The following PLXNA4 variants were observed in gnomAD, a reference collection of about 807,000 sequenced individuals.
The protein encoded by PLXNA4 is plexin A4.
PLXNA4 carries 44 observed loss-of-function variants against 191.8 expected under a neutral mutation model. The ratio of observed to expected loss-of-function variants is 0.23; its 90% CI spans 0.18 to 0.29. The LOEUF (loss-of-function observed/expected upper bound fraction) is 0.29, where lower values mean the gene tolerates loss of function less well. PLXNA4 is among the 10% of genes least tolerant of loss of function. The pLI is 1.00. For missense variants in PLXNA4, 1,800 were observed against 2,488.8 expected, an observed-to-expected ratio of 0.72 and a Z score of 5.89; for synonymous variants, 1,082 against 1,009.5, an observed-to-expected ratio of 1.07 and a Z score of -1.36.
intron 9 of PLXNA4, among the ~76,000 whole-genome samples, chr7:132,213,327 C>T (rs766436715): frequency 2.6e-5 from 4 of 152,166 alleles, no homozygotes; most frequent in South Asian, 2.1e-4. Flanking sequence ...ATGTACTTAA[C>T]GCCACTGAAC....
intron 2 of PLXNA4, among the ~76,000 whole-genome samples, chr7:132,640,397 C>T (rs1046896697): frequency 2.0e-5 from 3 of 152,134 alleles, no homozygotes; most frequent in African/African-American, 7.2e-5. Context: ...GGCCCTAAGC[C>T]CAATGTGACT....
intron 10 of PLXNA4, among the ~76,000 whole-genome samples, chr7:132,205,967 T>C (rs1016250473): frequency 6.6e-6 from 1 of 152,238 alleles, no homozygotes; most frequent in African/African-American, 2.4e-5. Context: ...ATCTGTGTAC[T>C]CAAACGTGTT....
intron 21 of PLXNA4, among the ~76,000 whole-genome samples, chr7:132,174,275 G>A (rs1260882664): frequency 1.3e-5 from 2 of 152,144 alleles, no homozygotes; most frequent in African/African-American, 2.4e-5. Flanking sequence ...CAAAAGATGA[G>A]GTCCCTGCTG....
At chr7:132,215,080 A>T (rs1797923351) in intron 9 of PLXNA4, among the ~76,000 whole-genome samples, 1 of 151,520 alleles carries the variant, frequency 6.6e-6, no homozygotes, top group Non-Finnish European at 1.5e-5. Context: ...CCTCCATGTA[A>T]TTTTCTGCAA....
intron 3 of PLXNA4, among the ~76,000 whole-genome samples, chr7:132,392,074 G>A (rs528586311): frequency 1.3e-5 from 2 of 152,116 alleles, no homozygotes; most frequent in South Asian, 4.2e-4. Flanking sequence ...GTTGCAGTGA[G>A]CTGAGATCAC....
chr7:132,491,497 C>G (rs574132273), intron 2 of PLXNA4, among the ~76,000 whole-genome samples: 2 of 152,160 alleles, frequency 1.3e-5, no homozygotes, highest in Non-Finnish European at 1.5e-5. Flanking sequence ...AGAGCGAAAA[C>G]GGGGAGAGCG....
intron 1 of PLXNA4, among the ~76,000 whole-genome samples, chr7:132,522,695 C>T (rs1799239426): frequency 6.6e-6 from 1 of 152,184 alleles, no homozygotes; most frequent in Non-Finnish European, 1.5e-5. Context: ...TCACTTGTGC[C>T]TAGGAGGCAG....
At chr7:132,607,631 C>T (rs1485768681) in intron 2 of PLXNA4, among the ~76,000 whole-genome samples, 3 of 152,244 alleles carry the variant, frequency 2.0e-5, no homozygotes, top group Non-Finnish European at 4.4e-5. Flanking sequence ...TTCTCTGAGC[C>T]TGTGCCTTTT....
chr7:132,644,792 A>G (rs568943905), intron 2 of PLXNA4, among the ~76,000 whole-genome samples: 1 of 152,234 alleles, frequency 6.6e-6, no homozygotes, highest in Non-Finnish European at 1.5e-5. Flanking sequence ...TCTGAGAGGC[A>G]GAGAAAGTGC....
intron 3 of PLXNA4, among the ~76,000 whole-genome samples, chr7:132,446,781 A>C (rs1585147501): frequency 6.6e-6 from 1 of 152,214 alleles, no homozygotes; most frequent in East Asian, 1.9e-4. Context: ...AAGCTAAGGT[A>C]ATGAGTCTGA....
chr7:132,236,285 T>C (rs1798698332), intron 5 of PLXNA4, among the ~76,000 whole-genome samples: 1 of 152,128 alleles, frequency 6.6e-6, no homozygotes, highest in Admixed American at 6.5e-5. Context: ...TCCTTCTTCC[T>C]CTCTTGCTGT....
chr7:132,508,098 A>G lies in PLXNA4; in HGVS notation c.596T>C (p.Ile199Thr). Residue 199 changes from isoleucine (I) to threonine (T), a missense_variant, in exon 2 of 32, where the codon ATC becomes ACC. By Grantham distance (89) the Ile-to-Thr change is moderately conservative (BLOSUM62 -1). Transcript: ENST00000321063. The surrounding 1 kb of genome is among the most constrained non-coding windows in gnomAD (Gnocchi z 4.4). ...VDGKPEYFPT[I>T]SSRKLTKNSE... ...GTTCTTGGTCAGTTTCCGGCTGGAG[A>G]TGGTGGGAAAATACTCGGGCTTCCC... The G allele has an allele frequency of 6.2e-7, 1 of 1,614,120 alleles. No homozygotes were observed. The highest frequency in any genetic ancestry group is 8.5e-7 in the Non-Finnish European group (1 of 1,180,024).
At chr7:132,618,106 A>C (rs1803190896) in intron 2 of PLXNA4, among the ~76,000 whole-genome samples, 1 of 152,236 alleles carries the variant, frequency 6.6e-6, no homozygotes, top group African/African-American at 2.4e-5. Flanking sequence ...ATTGAGTCGT[A>C]TGGCCAAACT....
intron 3 of PLXNA4, among the ~76,000 whole-genome samples, chr7:132,468,241 A>G (rs1049634890): frequency 9.9e-5 from 15 of 152,222 alleles, no homozygotes; most frequent in Admixed American, 4.6e-4. Flanking sequence ...ACACACACAT[A>G]CACACAAACA....
At chr7:132,348,381 G>A (rs1803336513) in intron 3 of PLXNA4, among the ~76,000 whole-genome samples, 1 of 152,174 alleles carries the variant, frequency 6.6e-6, no homozygotes, top group Admixed American at 6.5e-5. Flanking sequence ...ATGCTTGAGG[G>A]AAGTCCAGCC....
intron 2 of PLXNA4, among the ~76,000 whole-genome samples, chr7:132,621,473 A>G (rs1300651854): frequency 6.6e-6 from 1 of 151,934 alleles, no homozygotes; most frequent in Non-Finnish European, 1.5e-5. Context: ...GTTGGCCAGG[A>G]TGGTCTCCAT....
chr7:132,572,718 G>T (rs1275404378), intron 1 of PLXNA4, among the ~76,000 whole-genome samples: 2 of 152,202 alleles, frequency 1.3e-5, no homozygotes, highest in Non-Finnish European at 2.9e-5. Context: ...CCTGGGCAGT[G>T]AGGACAACAT....
At chr7:132,406,098 G>T (rs1794208995) in intron 3 of PLXNA4, among the ~76,000 whole-genome samples, 1 of 152,192 alleles carries the variant, frequency 6.6e-6, no homozygotes, top group South Asian at 2.1e-4. Context: ...GCCTGACAAA[G>T]TCAGAGTCCA....
intron 25 of PLXNA4, among the ~76,000 whole-genome samples, chr7:132,154,090 T>C (rs905465538): frequency 6.6e-6 from 1 of 152,138 alleles, no homozygotes; most frequent in Non-Finnish European, 1.5e-5. Flanking sequence ...CCACCTTTTC[T>C]TACCTTGGGG....
Sources: gnomAD v4.1 joint callset for allele counts (sites outside exome capture counted in the v4.1 genomes callset) on GRCh38, gnomAD v4.1.1 for gene constraint, Gnocchi (gnomAD v3.1) non-coding constraint, MANE v1.5 for transcripts, NCBI Gene and HGNC (gene_info 2026-07-23, HGNC 2026-07-21) for gene names.